Variants in CALN1 observed in about 807,000 individuals in gnomAD.
CALN1 encodes calneuron 1, also known as calcium-binding protein 8.
A neutral mutation model predicts 30.6 loss-of-function variants in CALN1; 17 were observed. That is an observed-to-expected ratio of 0.56 (90% CI 0.38 to 0.83). The LOEUF (loss-of-function observed/expected upper bound fraction) is 0.83, where lower values mean the gene tolerates loss of function less well. Among genes scored for constraint, CALN1 ranks in the 40% least tolerant of loss-of-function variants. CALN1 has a pLI of 0.00. For synonymous variants in CALN1, 156 were observed against 131.4 expected (o/e 1.19, Z -1.28); for missense variants, 291 against 354.9 (o/e 0.82, Z 1.45).
chr7:71,885,744 C>A (rs530055053), intron 5 of CALN1, among the ~76,000 whole-genome samples: 1 of 152,156 alleles, frequency 6.6e-6, no homozygotes, highest in Non-Finnish European at 1.5e-5. Context: ...AAGAGTGAGA[C>A]GCGCTGACCA....
At chr7:72,385,420 G>T (rs934631169) in intron 2 of CALN1, among the ~76,000 whole-genome samples, 9 of 151,916 alleles carry the variant, frequency 5.9e-5, no homozygotes, top group Admixed American at 2.6e-4. Context: ...ATAAGTGAAC[G>T]GATAACAAAC....
chr7:71,826,601 A>G (rs1019569531), intron 5 of CALN1, among the ~76,000 whole-genome samples: 1 of 152,170 alleles, frequency 6.6e-6, no homozygotes, highest in Non-Finnish European at 1.5e-5. Flanking sequence ...CTTCAAAGGC[A>G]ATCAACCACA....
At chr7:72,462,040 C>T in the CALN1 span, among the ~76,000 whole-genome samples, 1 of 151,698 alleles carries the variant, frequency 6.6e-6, no homozygotes, top group Admixed American at 6.6e-5. Flanking sequence ...AAAAGGACAT[C>T]ACTTTGCGCT....
At chr7:72,501,362 G>T in the CALN1 span, among the ~76,000 whole-genome samples, 1 of 83,180 alleles carries the variant, frequency 1.2e-5, no homozygotes, top group Non-Finnish European at 2.1e-5. Flanking sequence ...GTGAGGCCAC[G>T]TCTCTATTAA....
chr7:72,215,463 G>A (rs1403884396), intron 3 of CALN1, among the ~76,000 whole-genome samples: 2 of 151,854 alleles, frequency 1.3e-5, no homozygotes, highest in African/African-American at 2.4e-5. Flanking sequence ...GTATGGTGGC[G>A]CATGCCTGTA....
chr7:72,165,397 T>C (rs962028191), intron 3 of CALN1, among the ~76,000 whole-genome samples: 8 of 151,794 alleles, frequency 5.3e-5, no homozygotes, highest in African/African-American at 1.9e-4. Context: ...GCGTTCCTAC[T>C]AAAAATACAA....
At chr7:72,123,259 T>C (rs1174494583) in intron 3 of CALN1, among the ~76,000 whole-genome samples, 1 of 152,154 alleles carries the variant, frequency 6.6e-6, no homozygotes, top group Non-Finnish European at 1.5e-5. Context: ...GCAGAAAACT[T>C]TTTCCTTGTG....
At chr7:72,151,855 G>A (rs181251802) in intron 3 of CALN1, among the ~76,000 whole-genome samples, 1 of 151,626 alleles carries the variant, frequency 6.6e-6, no homozygotes, top group African/African-American at 2.4e-5. Context: ...GGGACTACAG[G>A]TGCATATCAC....
At chr7:72,349,822 G>C (rs936256315) in intron 2 of CALN1, among the ~76,000 whole-genome samples, 1 of 152,172 alleles carries the variant, frequency 6.6e-6, no homozygotes, top group Non-Finnish European at 1.5e-5. Context: ...GCACCTTATA[G>C]ATTCTGGATA....
rs1288677727 is a variant in CALN1 at position 72,032,123 on chromosome 7, A to C, written c.389-8354T>G. On this transcript the variant is annotated intron_variant, in intron 4 of 6. Transcript: ENST00000395275. ...ACCCAGGCTGGAGTGCAGTGGCACG[A>C]TCTCAGCTCACTGCAAGCTCTGCCT... is the stretch of plus-strand genomic sequence containing the variant. Among the ~76,000 whole-genome samples the C allele has an allele frequency of 1.6e-4, 22 of 135,810 alleles. No homozygotes were observed. In the Admixed American group the frequency reaches 1.7e-3, roughly 11 times the overall value. 89.1% of individuals were successfully genotyped at this position (135,810 alleles called of 152,430 possible). A position where few individuals can be genotyped will look rare whatever the true frequency, so the allele number is the denominator to read the frequency against.
intron 2 of CALN1, among the ~76,000 whole-genome samples, chr7:72,393,484 A>T (rs901507992): frequency 6.6e-6 from 1 of 152,052 alleles, no homozygotes. Context: ...ACAAACAAAA[A>T]AACTAGCATT....
intron 3 of CALN1, among the ~76,000 whole-genome samples, chr7:72,121,417 AT>A (rs1453512011): frequency 6.8e-6 from 1 of 146,594 alleles, no homozygotes; most frequent in African/African-American, 2.5e-5. Flanking sequence ...TGTACTATGT[AT>A]AATATAGATA....
At chr7:72,103,030 G>C (rs1806791069) in intron 4 of CALN1, among the ~76,000 whole-genome samples, 1 of 138,544 alleles carries the variant, frequency 7.2e-6, no homozygotes, top group East Asian at 2.0e-4. Flanking sequence ...CAGAGATTGT[G>C]CCACTGCACT....
At chr7:72,231,798 T>G (rs1158743014) in intron 3 of CALN1, among the ~76,000 whole-genome samples, 1 of 152,202 alleles carries the variant, frequency 6.6e-6, no homozygotes, top group Non-Finnish European at 1.5e-5. Context: ...CCACCCTTAC[T>G]GTACCATGCT....
chr7:72,169,687 TTTTTCC>T (rs1394625463), intron 3 of CALN1, among the ~76,000 whole-genome samples: 1 of 151,936 alleles, frequency 6.6e-6, no homozygotes, highest in African/African-American at 2.4e-5. Flanking sequence ...TTCTTTTTCT[TTTTTCC>T]TTTTCTTTTC....
intron 2 of CALN1, among the ~76,000 whole-genome samples, chr7:72,390,293 T>TG (rs1805500413): frequency 1.3e-5 from 2 of 150,848 alleles, no homozygotes; most frequent in South Asian, 4.2e-4. Flanking sequence ...TAGCGGGGCA[T>TG]GGTGGCAGGC....
At chr7:72,063,959 C>A (rs1803841769) in intron 4 of CALN1, among the ~76,000 whole-genome samples, 1 of 152,122 alleles carries the variant, frequency 6.6e-6, no homozygotes, top group South Asian at 2.1e-4. Flanking sequence ...CATATGCCTT[C>A]TTGTAATAGC....
chr7:72,250,896 C>T (rs1795507656), intron 3 of CALN1, among the ~76,000 whole-genome samples: 1 of 152,088 alleles, frequency 6.6e-6, no homozygotes, highest in Admixed American at 6.6e-5. Context: ...CCCTATATAG[C>T]AATGCAAAAT....
intron 3 of CALN1, among the ~76,000 whole-genome samples, chr7:72,243,692 C>T (rs1456403405): frequency 1.3e-5 from 2 of 152,088 alleles, no homozygotes; most frequent in African/African-American, 4.8e-5. Context: ...CCCTTCTGAG[C>T]CAATCAAGCT....
Sources: gnomAD v4.1 joint callset for allele counts (sites outside exome capture counted in the v4.1 genomes callset) on GRCh38, gnomAD v4.1.1 for gene constraint, MANE v1.5 for transcripts, NCBI Gene and HGNC (gene_info 2026-07-23, HGNC 2026-07-21) for gene names.